Variants in GOLM1 observed in about 807,000 individuals in gnomAD.
GOLM1 encodes epididymis luminal protein 46.
A neutral mutation model predicts 50.5 loss-of-function variants in GOLM1; 31 were observed. That is an observed-to-expected ratio of 0.61 (90% CI 0.46 to 0.83). GOLM1 has a LOEUF of 0.83. Ranked by LOEUF, GOLM1 falls within the 40% of genes least tolerant of loss-of-function variation. GOLM1 has a pLI of 0.00. For missense variants in GOLM1, 491 were observed against 501.3 expected (o/e 0.98, Z 0.20); for synonymous variants, 178 against 192.8 (o/e 0.92, Z 0.64).
intron 1 of GOLM1, among the ~76,000 whole-genome samples, chr9:86,084,052 A>G (rs895257760): frequency 1.8e-4 from 27 of 152,134 alleles, no homozygotes; most frequent in African/African-American, 6.5e-4. Flanking sequence ...AATTCTGAAA[A>G]AAGTCCTGAG....
At chr9:86,032,139 T>C (rs932776399) in intron 9 of GOLM1, among the ~76,000 whole-genome samples, 3 of 151,992 alleles carry the variant, frequency 2.0e-5, no homozygotes, top group Admixed American at 6.6e-5. Context: ...ATTCAGGCTG[T>C]GGGAAACTAC....
At chr9:86,056,812 A>AT (rs1339600745) in intron 3 of GOLM1, among the ~76,000 whole-genome samples, 1 of 151,594 alleles carries the variant, frequency 6.6e-6, no homozygotes, top group Admixed American at 6.6e-5. Context: ...CCAAAAAAAA[A>AT]TTTTTTAAGA....
At chr9:86,086,170 G>C (rs1431406632) in intron 1 of GOLM1, among the ~76,000 whole-genome samples, 1 of 152,154 alleles carries the variant, frequency 6.6e-6, no homozygotes, top group Non-Finnish European at 1.5e-5. Flanking sequence ...CATTCTAACT[G>C]GCGTGAGATG....
chr9:86,031,462 T>G (rs1832980067), intron 9 of GOLM1, among the ~76,000 whole-genome samples: 1 of 146,090 alleles, frequency 6.8e-6, no homozygotes, highest in African/African-American at 2.5e-5. Context: ...TTTTTTTTTT[T>G]TTTTTTTTTT....
At chr9:86,074,529 G>A (rs564727722) in intron 3 of GOLM1, among the ~76,000 whole-genome samples, 3 of 152,226 alleles carry the variant, frequency 2.0e-5, no homozygotes, top group Admixed American at 1.3e-4. Context: ...CTTCAGGTGC[G>A]GGCAGCCAAG....
At chr9:86,032,135 GCTGTGGGAAA>G (rs1323196644) in intron 9 of GOLM1, among the ~76,000 whole-genome samples, 4 of 151,912 alleles carry the variant, frequency 2.6e-5, no homozygotes, top group African/African-American at 7.3e-5. Context: ...CAGTATTCAG[GCTGTGGGAAA>G]CTACAGTCAC....
chr9:86,051,076 T>C (rs1211088837), intron 4 of GOLM1, among the ~76,000 whole-genome samples: 2 of 152,236 alleles, frequency 1.3e-5, no homozygotes, highest in Non-Finnish European at 2.9e-5. Flanking sequence ...TTTGTTCTCA[T>C]TGATTTCAAA....
chr9:86,032,163 G>C (rs1259264458), intron 9 of GOLM1, among the ~76,000 whole-genome samples: 1 of 151,822 alleles, frequency 6.6e-6, no homozygotes. Context: ...CACATGGCTT[G>C]GATTCTTTTG....
intron 8 of GOLM1, chr9:86,035,052 G>C (rs201653283): frequency 1.0e-6 from 1 of 985,138 alleles, no homozygotes. Context: ...CAAAAATGGG[G>C]CATGTGGCCT....
chr9:86,066,909 G>A (rs768268477), intron 3 of GOLM1, among the ~76,000 whole-genome samples: 15 of 151,832 alleles, frequency 9.9e-5, no homozygotes, highest in Non-Finnish European at 1.6e-4. Context: ...CAGGATCTTT[G>A]GAAGTCTTCA....
At chr9:86,085,319 G>C (rs949391291) in intron 1 of GOLM1, among the ~76,000 whole-genome samples, 5 of 151,766 alleles carry the variant, frequency 3.3e-5, no homozygotes, top group African/African-American at 1.2e-4. Flanking sequence ...TTTAAACTGG[G>C]GTGTTCATCT....
At position 86,096,187 on chromosome 9, in the gene GOLM1, T is replaced by G. The variant is rs867862104; in HGVS notation, c.-22+3224A>C. 1.9e-3 allele frequency among the ~76,000 whole-genome samples: 290 copies of G among 152,232 alleles called. 1 individual carries two copies. Among genetic ancestry groups the G allele is most frequent in the African/African-American group, 6.4e-3 (264 of 41,528 alleles). On this transcript the variant is annotated intron_variant, in intron 1 of 9. Coordinates refer to ENST00000388712, the MANE Select transcript of GOLM1 (RefSeq NM_016548.4). The stretch of plus-strand genomic sequence containing the variant: ...ATAACTGCTCGATAGGTTTTTTTTT[T>G]TTTTTTGGTTTGGAAATAAAAGGAT...
intron 3 of GOLM1, among the ~76,000 whole-genome samples, chr9:86,067,285 G>C (rs1834334644): frequency 6.6e-6 from 1 of 152,190 alleles, no homozygotes; most frequent in Admixed American, 6.5e-5. Flanking sequence ...AAACCACTCT[G>C]TGCCCTCCTT....
Position 86,027,691 on chromosome 9 carries a change from C to T in GOLM1, c.*126G>A. ...CTACACAAAGTGCATACTAAAATTT[C>T]ACAATAATCATCTTCAGATGTACAT... is the stretch of plus-strand genomic sequence containing the variant. On this transcript the variant is annotated 3_prime_UTR_variant, in exon 10 of 10. Coordinates refer to ENST00000388712, the MANE Select transcript of GOLM1 (RefSeq NM_016548.4). 6 of 1,425,082 alleles carry T rather than the reference C, an allele frequency of 4.2e-6. No individual in the cohort carries two copies. The highest frequency in any genetic ancestry group is 1.5e-5 in the African/African-American group (1 of 68,456). 88.3% of individuals were successfully genotyped at this position (1,425,082 alleles called of 1,614,324 possible).
intron 8 of GOLM1, among the ~76,000 whole-genome samples, chr9:86,034,218 C>G (rs1284337513): frequency 6.6e-6 from 1 of 152,142 alleles, no homozygotes; most frequent in Non-Finnish European, 1.5e-5. Context: ...CCACCTCGGC[C>G]TCTCAAAGTG....
At chr9:86,079,386 C>G in intron 1 of GOLM1, 45 bp from the exon 2 acceptor site, 1 of 1,454,902 alleles carries the variant, frequency 6.9e-7, no homozygotes, top group Non-Finnish European at 9.4e-7. Flanking sequence ...CTAGTTTTAT[C>G]ATCTCCGAAG....
At chr9:86,060,876 C>CT (rs1262315274) in intron 3 of GOLM1, among the ~76,000 whole-genome samples, 2 of 19,898 alleles carry the variant, frequency 1.0e-4, no homozygotes, top group Non-Finnish European at 2.5e-4. Context: ...GAAACTCTCT[C>CT]AAAAAAAAAA....
intron 9 of GOLM1, among the ~76,000 whole-genome samples, chr9:86,031,214 A>AG (rs1287750687): frequency 6.6e-6 from 1 of 150,438 alleles, no homozygotes; most frequent in African/African-American, 2.5e-5. Context: ...CATCTGAGGA[A>AG]GAAAAAAAAA....
intron 5 of GOLM1, among the ~76,000 whole-genome samples, chr9:86,041,219 C>T (rs1466079405): frequency 6.6e-6 from 1 of 152,162 alleles, no homozygotes; most frequent in Non-Finnish European, 1.5e-5. Context: ...GAGTGGATAT[C>T]TGGCGATTCA....
Sources: allele counts gnomAD v4.1 joint callset (sites outside exome capture counted in the v4.1 genomes callset), GRCh38; gene constraint gnomAD v4.1.1; transcripts MANE v1.5; gene names NCBI Gene and HGNC (gene_info 2026-07-23, HGNC 2026-07-21).